The following SLC39A10 variants were observed in gnomAD, a reference collection of about 807,000 sequenced individuals.
The protein encoded by SLC39A10 is solute carrier family 39 member 10, also known as zinc transporter ZIP10.
In SLC39A10, 13 loss-of-function variants were observed where a neutral mutation model predicts 65.1. The ratio of observed to expected loss-of-function variants is 0.20; its 90% confidence interval spans 0.13 to 0.32. The LOEUF (loss-of-function observed/expected upper bound fraction) is 0.32. Among genes scored for constraint, SLC39A10 ranks in the 10% least tolerant of loss-of-function variants. The probability of loss-of-function intolerance (pLI) is 1.00; values close to 1 mark genes in which losing one functional copy is unlikely to be tolerated. For synonymous variants in SLC39A10, 321 were observed against 342.2 expected (o/e 0.94, Z 0.68); for missense variants, 831 against 1,018.4 (o/e 0.82, Z 2.50).
intron 2 of SLC39A10, among the ~76,000 whole-genome samples, chr2:195,681,749 G>A (rs1442394067): frequency 6.6e-6 from 1 of 152,102 alleles, no homozygotes; most frequent in East Asian, 1.9e-4. Context: ...TGTTAGCCAT[G>A]TTCTAGGTAT....
At chr2:195,617,387 C>T (rs1688238340) in intron 2 of SLC39A10, among the ~76,000 whole-genome samples, 1 of 151,618 alleles carries the variant, frequency 6.6e-6, no homozygotes, top group Admixed American at 6.6e-5. Flanking sequence ...ATGGTGAAAC[C>T]CCGTCTCTAC....
At chr2:195,621,429 T>G (rs1030685321) in intron 2 of SLC39A10, among the ~76,000 whole-genome samples, 1 of 152,234 alleles carries the variant, frequency 6.6e-6, no homozygotes, top group Non-Finnish European at 1.5e-5. Context: ...TTCTTTGACT[T>G]CTTTGAAGGA....
intron 2 of SLC39A10, among the ~76,000 whole-genome samples, chr2:195,648,418 C>T (rs1004145285): frequency 1.3e-5 from 2 of 151,916 alleles, no homozygotes; most frequent in Non-Finnish European, 2.9e-5. Flanking sequence ...TGGCTCACAC[C>T]TGTAATTCCA....
intron 3 of SLC39A10, among the ~76,000 whole-genome samples, chr2:195,684,699 C>T (rs1051612449): frequency 1.3e-5 from 2 of 151,968 alleles, no homozygotes; most frequent in Admixed American, 6.6e-5. Flanking sequence ...CTTCTAACTT[C>T]ATCCACTCTG....
At chr2:195,673,030 G>T (rs1317800008) in intron 1 of SLC39A10, among the ~76,000 whole-genome samples, 1 of 152,156 alleles carries the variant, frequency 6.6e-6, no homozygotes, top group African/African-American at 2.4e-5. Context: ...TTATCCATGA[G>T]ACTGTGAGAT....
upstream of SLC39A10, among the ~76,000 whole-genome samples, chr2:195,656,457 A>G (rs1436536638): frequency 6.6e-6 from 1 of 152,190 alleles, no homozygotes; most frequent in Non-Finnish European, 1.5e-5. Flanking sequence ...GAAATAGTCG[A>G]TCAGTTGAGG....
At chr2:195,628,691 G>A (rs12470567) in intron 2 of SLC39A10, among the ~76,000 whole-genome samples, 34,735 of 152,142 alleles carry the variant, frequency 0.23, 4,642 homozygotes, top group East Asian at 0.6. Flanking sequence ...CAACAAAAGT[G>A]AAAATTAAGC....
At chr2:195,631,200 A>G (rs1318674329) in intron 2 of SLC39A10, among the ~76,000 whole-genome samples, 1 of 151,808 alleles carries the variant, frequency 6.6e-6, no homozygotes, top group Non-Finnish European at 1.5e-5. Flanking sequence ...ATATCTATAT[A>G]TCTATATATA....
intron 8 of SLC39A10, among the ~76,000 whole-genome samples, chr2:195,724,048 A>G (rs1692146559): frequency 6.6e-6 from 1 of 152,222 alleles, no homozygotes; most frequent in African/African-American, 2.4e-5. Context: ...AATGTGTTAA[A>G]TTGTCCACAG....
At chr2:195,686,642 C>A (rs1468692624) in intron 3 of SLC39A10, among the ~76,000 whole-genome samples, 1 of 152,206 alleles carries the variant, frequency 6.6e-6, no homozygotes. Flanking sequence ...ATTTATTAAA[C>A]CCACTATACA....
intron 2 of SLC39A10, among the ~76,000 whole-genome samples, chr2:195,624,542 C>G (rs371843122): frequency 6.6e-6 from 1 of 151,964 alleles, no homozygotes; most frequent in South Asian, 2.1e-4. Context: ...GGTGATTGTC[C>G]ACTCAGAAGG....
chr2:195,673,662 A>G (rs968359349), intron 1 of SLC39A10, among the ~76,000 whole-genome samples: 1 of 152,128 alleles, frequency 6.6e-6, no homozygotes, highest in Non-Finnish European at 1.5e-5. Context: ...GCTGGGTCCT[A>G]TCCCTAATGT....
intron 1 of SLC39A10, chr2:195,674,693 G>T (rs577016282): frequency 1.0e-6 from 1 of 966,000 alleles, no homozygotes; most frequent in Non-Finnish European, 1.2e-6. Context: ...ATGTTCTGAG[G>T]TGCAGGCTTA....
chr2:195,713,303 C>A, intron 5 of SLC39A10, 130 bp from the exon 6 acceptor site: 1 of 711,368 alleles, frequency 1.4e-6, no homozygotes, highest in Non-Finnish European at 2.0e-6. Context: ...TTTTTTCACG[C>A]CCCTTTAAAA....
Position 195,708,711 on chromosome 2 carries a change from A to T in SLC39A10, c.1442A>T (p.His481Leu), listed in dbSNP as rs1691495997. 1 of 1,612,224 alleles carries T rather than the reference A, an allele frequency of 6.2e-7. No individual in the cohort carries two copies. The highest frequency in any genetic ancestry group is 8.5e-7 in the Non-Finnish European group (1 of 1,178,832). Residue 481 changes from histidine to leucine, a missense_variant, in exon 5 of 10, where the codon CAT (histidine) becomes CTT (leucine). Around this residue, in one of 4 missense-constraint regions of SLC39A10, gnomAD observed 230 missense variants for 242.9 expected, o/e 0.95. Coordinates refer to ENST00000359634, the MANE Select transcript of SLC39A10 (RefSeq NM_020342.3). ...HQHAHGHGHSHGHESNKFLEE... is the reference protein window; with the variant it reads ...HQHAHGHGHSLGHESNKFLEE... ...CATGCACATGGGCATGGACATTCTC[A>T]TGGACATGAATCTAACAAGTTTTTG...
In SLC39A10 at chr2:195,728,384, C is replaced by T; in HGVS notation, c.2337+35C>T. 1 of 1,559,222 alleles carries T rather than the reference C, an allele frequency of 6.4e-7. No individual in the cohort carries two copies. The highest frequency in any genetic ancestry group is 8.7e-7 in the Non-Finnish European group (1 of 1,145,874). On this transcript the variant is annotated intron_variant, in intron 9 of 9. Coordinates refer to ENST00000359634, the MANE Select transcript of SLC39A10 (RefSeq NM_020342.3). This position sits in a 1 kb window ranked among gnomAD's most constrained non-coding sequence, Gnocchi z 4.4. Reference sequence around the variant, plus strand: ...TTTATATTTTTTTGTGGTACTAAACCTGCAAATGAAAGAAATCCTTGGAAG... The same window carrying T: ...TTTATATTTTTTTGTGGTACTAAACTTGCAAATGAAAGAAATCCTTGGAAG...
chr2:195,664,367 TA>T (rs148569238), intron 1 of SLC39A10, among the ~76,000 whole-genome samples: 177 of 150,940 alleles, frequency 1.2e-3, no homozygotes, highest in African/African-American at 3.6e-3. Flanking sequence ...GCTTTTCTTT[TA>T]AAAAAAAATA....
intron 6 of SLC39A10, among the ~76,000 whole-genome samples, chr2:195,715,700 T>G (rs1444497629): frequency 6.6e-6 from 1 of 152,202 alleles, no homozygotes; most frequent in Non-Finnish European, 1.5e-5. Context: ...GATATCCATT[T>G]ATGAAATAGA....
chr2:195,729,961 ATTTTTTTTT>A (rs58936616), intron 9 of SLC39A10, among the ~76,000 whole-genome samples: 27 of 92,138 alleles, frequency 2.9e-4, no homozygotes, highest in Admixed American at 2.3e-3. Context: ...ACCATGCCTA[ATTTTTTTTT>A]TTTTTTTTTT....
Sources: gnomAD v4.1 joint callset for allele counts (sites outside exome capture counted in the v4.1 genomes callset) on GRCh38, gnomAD v4.1.1 for gene constraint, gnomAD v4.1.1 regional missense constraint, Gnocchi (gnomAD v3.1) non-coding constraint, MANE v1.5 for transcripts, NCBI Gene and HGNC (gene_info 2026-07-23, HGNC 2026-07-21) for gene names.